NDUFAF6: variants seen among roughly 807,000 people sequenced by gnomAD.
NDUFAF6 encodes NADH:ubiquinone oxidoreductase complex assembly factor 6.
In NDUFAF6, 45 loss-of-function variants were observed where a neutral mutation model predicts 40.8. That is an observed-to-expected ratio of 1.10 (90% CI 0.87 to 1.42). The LOEUF is 1.42. Among genes scored for constraint, NDUFAF6 ranks in the 40% most tolerant of loss-of-function variants. The pLI, the probability that NDUFAF6 is intolerant of heterozygous loss-of-function variation, is 0.00. For missense variants in NDUFAF6, 435 were observed against 418.5 expected, an observed-to-expected ratio of 1.04 and a Z score of -0.34; for synonymous variants, 185 against 155.9, an observed-to-expected ratio of 1.19 and a Z score of -1.39.
At chr8:94,968,106 G>T (rs562057638) in intron 1 of NDUFAF6, among the ~76,000 whole-genome samples, 1 of 152,292 alleles carries the variant, frequency 6.6e-6, no homozygotes, top group South Asian at 2.1e-4. Context: ...CATCTCTACT[G>T]GGCTGGGAGT....
At chr8:94,982,015 G>A (rs1825487247) in intron 2 of NDUFAF6, among the ~76,000 whole-genome samples, 1 of 151,976 alleles carries the variant, frequency 6.6e-6, no homozygotes, top group South Asian at 2.1e-4. Context: ...GGATCACGAG[G>A]TCAGGAGATT....
At chr8:95,029,518 T>C (rs11781040) in intron 1 of NDUFAF6, among the ~76,000 whole-genome samples, 22,176 of 152,216 alleles carry the variant, frequency 0.15, 1,624 homozygotes, top group Middle Eastern at 0.24. Flanking sequence ...GAAATTAAAA[T>C]TGATCCAGTA....
chr8:94,967,757 A>C (rs1824128014), intron 1 of NDUFAF6, among the ~76,000 whole-genome samples: 1 of 152,034 alleles, frequency 6.6e-6, no homozygotes, highest in South Asian at 2.1e-4. Flanking sequence ...CCTGTCCAAC[A>C]TGCAAAACCC....
intron 2 of NDUFAF6, among the ~76,000 whole-genome samples, chr8:95,088,130 G>T (rs1301032410): frequency 6.6e-6 from 1 of 152,228 alleles, no homozygotes; most frequent in African/African-American, 2.4e-5. Flanking sequence ...CACTGCAGCT[G>T]CTGTGATGCT....
chr8:94,939,797 A>G, intron 1 of NDUFAF6: 1 of 1,560,548 alleles, frequency 6.4e-7, no homozygotes, highest in Non-Finnish European at 8.7e-7. Context: ...GCTTTGAATT[A>G]CAGTAGAGAC....
chr8:94,954,097 T>C (rs998868718), upstream of NDUFAF6, among the ~76,000 whole-genome samples: 3 of 152,216 alleles, frequency 2.0e-5, no homozygotes, highest in African/African-American at 7.2e-5. Context: ...GGAATCTCGC[T>C]TCGTCGCCAG....
intron 1 of NDUFAF6, among the ~76,000 whole-genome samples, chr8:95,028,417 G>A (rs907753190): frequency 7.9e-5 from 12 of 152,146 alleles, no homozygotes; most frequent in African/African-American, 2.9e-4. Flanking sequence ...CATTTATAAC[G>A]ATGATCCTAA....
downstream of NDUFAF6, chr8:95,058,769 T>C: frequency 1.0e-6 from 1 of 987,464 alleles, no homozygotes; most frequent in East Asian, 1.1e-4. Flanking sequence ...TGCTGTATAC[T>C]TGCATCAGTG....
intron 1 of NDUFAF6, chr8:94,941,127 C>A (rs1821487223): frequency 1.7e-6 from 1 of 580,630 alleles, no homozygotes; most frequent in Non-Finnish European, 3.0e-6. Context: ...TATTTCAAAT[C>A]AGCATGCACA....
At chr8:94,970,897 G>C (rs1330426433) in intron 1 of NDUFAF6, among the ~76,000 whole-genome samples, 5 of 152,142 alleles carry the variant, frequency 3.3e-5, no homozygotes, top group African/African-American at 1.2e-4. Flanking sequence ...GCACACCTTT[G>C]TCTCGAACTC....
At chr8:94,957,748 CAT>C (rs555554143), upstream of NDUFAF6, among the ~76,000 whole-genome samples, 10 of 152,170 alleles carry the variant, frequency 6.6e-5, no homozygotes, top group Non-Finnish European at 1.5e-4. Context: ...GAAATTCACT[CAT>C]TATTCATGAA....
upstream of NDUFAF6, among the ~76,000 whole-genome samples, chr8:94,954,676 CT>C (rs34624977): frequency 0.5 from 76,053 of 151,788 alleles, 19,594 homozygotes; most frequent in East Asian, 0.72. Context: ...GTAGAAGAGT[CT>C]TTGCTGTGCT....
chr8:94,913,402 T>TC (rs1247732722), intron 1 of NDUFAF6, among the ~76,000 whole-genome samples: 11 of 152,250 alleles, frequency 7.2e-5, no homozygotes, highest in African/African-American at 2.7e-4. Flanking sequence ...CACCATTGAC[T>TC]GATCACACAT....
exon 3 of NDUFAF6, chr8:95,103,078 T>A (rs1369072512): frequency 6.6e-6 from 1 of 152,156 alleles, no homozygotes; most frequent in Non-Finnish European, 1.5e-5. Flanking sequence ...AGCACTTTTG[T>A]CCCCCAGCAT....
chr8:94,988,384 A>G (rs1382340008), intron 2 of NDUFAF6: 1 of 152,214 alleles, frequency 6.6e-6, no homozygotes, highest in Non-Finnish European at 1.5e-5. Context: ...CTGGTGACTC[A>G]TGACTTGTAT....
At chr8:94,923,840 C>T (rs563860875) in intron 1 of NDUFAF6, among the ~76,000 whole-genome samples, 251 of 91,562 alleles carry the variant, frequency 2.7e-3, no homozygotes, top group Non-Finnish European at 4.7e-3. Context: ...CCACCACGCC[C>T]GACTAATTTT....
intron 9 of NDUFAF6, among the ~76,000 whole-genome samples, chr8:95,074,665 C>A (rs1003215948): frequency 3.3e-5 from 5 of 152,216 alleles, no homozygotes; most frequent in Non-Finnish European, 7.3e-5. Context: ...CCTCTTTTCT[C>A]TGTCCCTCCA....
intron 1 of NDUFAF6, among the ~76,000 whole-genome samples, chr8:94,934,319 AC>A (rs1227099130): frequency 6.6e-6 from 1 of 152,114 alleles, no homozygotes; most frequent in Non-Finnish European, 1.5e-5. Context: ...CTGACTACAC[AC>A]ACACACAACA....
rs182905429 is a variant in NDUFAF6 at position 94,905,583 on chromosome 8, C to T, written c.-936+9656C>T. ...CCTGGTCCTTCCCCAGCCACTGATT[C>T]GGAGGCATCCTGCCCCTTCCTACCA... On this transcript the variant is annotated intron_variant, in intron 1 of 14. Coordinates refer to the NDUFAF6 transcript ENST00000396113. Among the ~76,000 whole-genome samples, 1,136 of 152,256 alleles carry T rather than the reference C, an allele frequency of 7.5e-3. 12 individuals carry two copies. Among genetic ancestry groups the T allele is most frequent in the African/African-American group, 0.026 (1,075 of 41,538 alleles).
Sources: gnomAD v4.1 joint callset for allele counts (sites outside exome capture counted in the v4.1 genomes callset) on GRCh38, gnomAD v4.1.1 for gene constraint, MANE v1.5 for transcripts, NCBI Gene and HGNC (gene_info 2026-07-23, HGNC 2026-07-21) for gene names.